Variants in BCAR3 observed in about 807,000 individuals in gnomAD.
The protein encoded by BCAR3 is BCAR3 adaptor protein, NSP family member, also known as breast cancer anti-estrogen resistance protein 3.
In BCAR3, 37 loss-of-function variants were observed where a neutral mutation model predicts 80.1. The observed-to-expected ratio is 0.46, with a 90% CI of 0.36 to 0.61. BCAR3 has a LOEUF of 0.61. Ranked by LOEUF, BCAR3 falls within the 20% of genes least tolerant of loss-of-function variation. The pLI, the probability that BCAR3 is intolerant of heterozygous loss-of-function variation, is 0.00. For missense variants in BCAR3, 978 were observed against 1,068.2 expected (o/e 0.92, Z 1.18); for synonymous variants, 389 against 418.9 (o/e 0.93, Z 0.87).
intron 2 of BCAR3, among the ~76,000 whole-genome samples, chr1:93,710,297 C>T (rs1649975478): frequency 6.6e-6 from 1 of 152,232 alleles, no homozygotes; most frequent in African/African-American, 2.4e-5. Flanking sequence ...CTGGGCCTGG[C>T]TGCCTGGCAT....
At chr1:93,611,192 A>G (rs1045860413) in intron 3 of BCAR3, among the ~76,000 whole-genome samples, 61 of 152,184 alleles carry the variant, frequency 4.0e-4, no homozygotes, top group African/African-American at 1.5e-3. Flanking sequence ...GTCTTTTGCA[A>G]ATGTAATGAA....
At chr1:93,776,648 C>T (rs974301306) in intron 2 of BCAR3, among the ~76,000 whole-genome samples, 2 of 152,134 alleles carry the variant, frequency 1.3e-5, no homozygotes, top group Admixed American at 6.5e-5. Context: ...TGTAGAGTTT[C>T]CCACATTCTG....
intron 2 of BCAR3, among the ~76,000 whole-genome samples, chr1:93,717,463 G>A (rs1307568459): frequency 2.0e-5 from 3 of 152,118 alleles, no homozygotes; most frequent in South Asian, 2.1e-4. Flanking sequence ...AGTGGCTCAC[G>A]CCTGTAATCC....
rs1451939620 is a variant in BCAR3 at position 93,846,101 on chromosome 1, G to A, written c.-208-389C>T. ...AGTTTCCCTTCTTTATATTATAAAG[G>A]GGACGGTGGTGTGTATGTACCCGCC... On this transcript the variant is annotated intron_variant, in intron 1 of 13. Transcript: ENST00000370244. Among the ~76,000 whole-genome samples, 4 of 152,112 alleles carry A rather than the reference G, an allele frequency of 2.6e-5. No homozygotes were observed. The East Asian group carries it at 5.8e-4, about 22-fold the overall frequency.
intron 2 of BCAR3, among the ~76,000 whole-genome samples, chr1:93,673,332 T>C (rs148526512): frequency 6.6e-6 from 1 of 152,354 alleles, no homozygotes; most frequent in East Asian, 1.9e-4. Context: ...AAGAACAGAT[T>C]GCTCAATAAT....
intron 2 of BCAR3, among the ~76,000 whole-genome samples, chr1:93,719,346 T>TG (rs1650305933): frequency 7.5e-6 from 1 of 133,676 alleles, no homozygotes; most frequent in Non-Finnish European, 1.6e-5. Context: ...TTTTTTTTTT[T>TG]TTTTTTTTTT....
At chr1:93,607,798 C>CCT (rs1180681311) in intron 3 of BCAR3, among the ~76,000 whole-genome samples, 2 of 152,168 alleles carry the variant, frequency 1.3e-5, no homozygotes, top group Non-Finnish European at 2.9e-5. Flanking sequence ...GGGTTAAAGA[C>CCT]CTCTCCCTGG....
chr1:93,578,812 T>C (rs1380949895), intron 7 of BCAR3, among the ~76,000 whole-genome samples: 1 of 151,562 alleles, frequency 6.6e-6, no homozygotes, highest in Non-Finnish European at 1.5e-5. Context: ...CAAAGCTGAA[T>C]ATATAACACG....
At chr1:93,807,342 A>T (rs1448574791) in intron 2 of BCAR3, among the ~76,000 whole-genome samples, 1 of 152,238 alleles carries the variant, frequency 6.6e-6, no homozygotes, top group Non-Finnish European at 1.5e-5. Context: ...GGGAAATCCC[A>T]TGAGAATGAT....
At chr1:93,587,246 G>T (rs1302545219) in intron 5 of BCAR3, among the ~76,000 whole-genome samples, 2 of 152,082 alleles carry the variant, frequency 1.3e-5, no homozygotes, top group African/African-American at 4.8e-5. Context: ...AGCTGGTCTT[G>T]AACTCTGAAG....
intron 2 of BCAR3, among the ~76,000 whole-genome samples, chr1:93,772,849 C>T (rs1652406323): frequency 6.6e-6 from 1 of 152,126 alleles, no homozygotes; most frequent in Non-Finnish European, 1.5e-5. Flanking sequence ...CTTGATCCGC[C>T]CACCTCAGCC....
intron 9 of BCAR3, among the ~76,000 whole-genome samples, chr1:93,568,409 G>C (rs1433189983): frequency 6.6e-6 from 1 of 152,150 alleles, no homozygotes. Context: ...CTGCTGGCCA[G>C]TCCACTGTCA....
intron 2 of BCAR3, among the ~76,000 whole-genome samples, chr1:93,652,665 T>C (rs1438261734): frequency 2.0e-5 from 3 of 152,172 alleles, no homozygotes; most frequent in Admixed American, 2.0e-4. Context: ...TTTTTTGGCT[T>C]ATGCCAATTA....
At chr1:93,601,108 C>T (rs939829574) in intron 3 of BCAR3, among the ~76,000 whole-genome samples, 1 of 152,194 alleles carries the variant, frequency 6.6e-6, no homozygotes, top group South Asian at 2.1e-4. Context: ...TCCCACCTTA[C>T]AGGACTATAG....
At chr1:93,715,575 G>C (rs1351432519) in intron 2 of BCAR3, among the ~76,000 whole-genome samples, 1 of 152,220 alleles carries the variant, frequency 6.6e-6, no homozygotes, top group Non-Finnish European at 1.5e-5. Flanking sequence ...TAGGGTGCCA[G>C]AGCTGGTGGC....
intron 2 of BCAR3, among the ~76,000 whole-genome samples, chr1:93,777,142 CTT>C (rs1652577927): frequency 6.6e-6 from 1 of 152,074 alleles, no homozygotes; most frequent in South Asian, 2.1e-4. Flanking sequence ...AGGAAGAATT[CTT>C]TTCTAGAGGC....
rs545387305 is a variant in BCAR3 at position 93,660,710 on chromosome 1, CTTAT to C, written c.317+13900_317+13903del. Among the ~76,000 whole-genome samples, 8 of 152,334 alleles carry C rather than the reference CTTAT, an allele frequency of 5.3e-5. No homozygotes were observed. The South Asian group carries it at 1.5e-3, about 28-fold the overall frequency. On this transcript the variant is annotated intron_variant, in intron 2 of 11. Transcript: ENST00000260502. ...ATTTAAAAGCAATGTAGCTAGCTTG[CTTAT>C]TTATTTGTTTGTTTGTTTGATACAG... is the stretch of plus-strand genomic sequence containing the variant.
At chr1:93,613,516 TGAAG>T (rs1675016652) in intron 3 of BCAR3, among the ~76,000 whole-genome samples, 1 of 152,082 alleles carries the variant, frequency 6.6e-6, no homozygotes, top group Non-Finnish European at 1.5e-5. Context: ...TCGTTAGAAA[TGAAG>T]GAAGAGAGAC....
intron 11 of BCAR3, 78 bp downstream of exon 11, chr1:93,567,201 A>C (rs1214150494): frequency 2.6e-6 from 4 of 1,523,876 alleles, no homozygotes; most frequent in Non-Finnish European, 3.6e-6. Flanking sequence ...TTCTAAGTGA[A>C]GTCAGCCATG....
Sources: gnomAD v4.1 joint callset for allele counts (sites outside exome capture counted in the v4.1 genomes callset) on GRCh38, gnomAD v4.1.1 for gene constraint, MANE v1.5 for transcripts, NCBI Gene and HGNC (gene_info 2026-07-23, HGNC 2026-07-21) for gene names.